HMCN2: variants seen among roughly 807,000 people sequenced by gnomAD.
The protein encoded by HMCN2 is hemicentin 2.
Under a neutral mutation model 377.5 loss-of-function variants are expected in HMCN2, and 325 were observed. The ratio of observed to expected loss-of-function variants is 0.86; its 90% CI spans 0.79 to 0.94. The LOEUF is 0.94. HMCN2 is among the 40% of genes least tolerant of loss of function. The pLI, the probability that HMCN2 is intolerant of heterozygous loss-of-function variation, is 0.00. For synonymous variants in HMCN2, 2,007 were observed against 2,046.8 expected, an observed-to-expected ratio of 0.98 and a Z score of 0.53; for missense variants, 4,543 against 4,725.3, an observed-to-expected ratio of 0.96 and a Z score of 1.13.
chr9:130,273,283 T>C (rs1554921829), intron 1 of HMCN2, among the ~76,000 whole-genome samples: 1 of 152,170 alleles, frequency 6.6e-6, no homozygotes. Flanking sequence ...TAATTTTCTT[T>C]CCAGCTTCTT....
intron 32 of HMCN2, 80 bp downstream of exon 32, chr9:130,355,124 GCT>G: frequency 8.8e-7 from 1 of 1,138,008 alleles, no homozygotes; most frequent in Non-Finnish European, 1.1e-6. Flanking sequence ...TCCCGAGAGA[GCT>G]CCTGGAGTGG....
intron 15 of HMCN2, among the ~76,000 whole-genome samples, chr9:130,319,006 G>C (rs1413984156): frequency 6.6e-6 from 1 of 152,130 alleles, no homozygotes; most frequent in Non-Finnish European, 1.5e-5. Flanking sequence ...AGTGGGCCTG[G>C]CTTAGGCCAG....
intron 15 of HMCN2, among the ~76,000 whole-genome samples, chr9:130,312,822 T>C (rs1837341939): frequency 6.6e-6 from 1 of 151,538 alleles, no homozygotes; most frequent in South Asian, 2.1e-4. Context: ...TGCGTCACCA[T>C]GCCCAGCTAA....
At chr9:130,385,786 C>T (rs1195676780) in intron 60 of HMCN2, 24 bp downstream of exon 60, 7 of 1,294,210 alleles carry the variant, frequency 5.4e-6, no homozygotes, top group Non-Finnish European at 7.1e-6. Context: ...GGGGCACGGG[C>T]AGCCATGAGC....
intron 1 of HMCN2, among the ~76,000 whole-genome samples, chr9:130,267,276 C>T (rs1554919470): frequency 6.6e-6 from 1 of 151,722 alleles, no homozygotes; most frequent in Non-Finnish European, 1.5e-5. Flanking sequence ...AAATTTCAAA[C>T]TTACAGTAAA....
chr9:130,305,043 C>G (rs781962068), intron 11 of HMCN2, 41 bp downstream of exon 11: 1 of 453,718 alleles, frequency 2.2e-6, no homozygotes, highest in Admixed American at 2.4e-5. Context: ...TAATTCAACA[C>G]GTGACCTGGT....
chr9:130,381,530 G>A (rs932743421), intron 54 of HMCN2, among the ~76,000 whole-genome samples: 3 of 152,082 alleles, frequency 2.0e-5, no homozygotes, highest in Non-Finnish European at 4.4e-5. Flanking sequence ...CACCACACCC[G>A]GGGAATTTTT....
At position 130,334,479 on chromosome 9, in the gene HMCN2, T is replaced by C. The variant is rs1015690847; in HGVS notation, c.3360-3415T>C. On this transcript the variant is annotated intron_variant, in intron 22 of 97. Transcript: ENST00000683500. ...CAAGCAGAATCCTCCTTCTAGGAAA[T>C]GATCTTGGATGCTCCTAAGAAAGAT... Among the ~76,000 whole-genome samples the C allele has an allele frequency of 3.3e-5, 5 of 151,818 alleles. No homozygotes were observed. In the South Asian group the frequency reaches 1.0e-3, roughly 32 times the overall value.
rs1842725073 is a variant in HMCN2, at chr9:130,398,660, G to GAAGGACGGA, written c.11437_11445dup (p.Lys3813_Gly3815dup). 7.8e-7 allele frequency: 1 copy of GAAGGACGGA among 1,289,674 alleles called. No homozygotes were observed. The highest frequency in any genetic ancestry group is 5.5e-5 in the East Asian group (1 of 18,020). 79.9% of individuals were successfully genotyped at this position (1,289,674 alleles called of 1,614,324 possible). A position where few individuals can be genotyped will look rare whatever the true frequency, so the allele number is the denominator to read the frequency against. On this transcript the variant is annotated inframe_insertion, in exon 75 of 98. Coordinates refer to ENST00000683500, the MANE Select transcript of HMCN2 (RefSeq NM_001291815.2). ...CCCCTAAGCCCCTGGTGGTCTGGTGGAAGGACGGACAGAAGCTGGACTTCC... is the reference window on the plus strand; with the variant it reads ...CCCCTAAGCCCCTGGTGGTCTGGTGGAAGGACGGAAAGGACGGACAGAAGCTGGACTTCC...
In HMCN2 at chr9:130,360,531, T is replaced by C. The variant is rs1399928465; in HGVS notation, c.5877T>C (p.Asp1959=). ...VLRIEQAQLS[D]AGSYRCVASN... ...GCATTGAGCAAGCCCAGCTTTCTGA[T>C]GCTGGGAGCTACCGCTGTGTGGCAT... The change falls in exon 38 of 98, where the codon GAT becomes GAC. Residue 1959 remains aspartate (D), a synonymous_variant. Transcript: ENST00000683500. This position sits in a 1 kb window ranked among gnomAD's most constrained non-coding sequence, Gnocchi z 4.7. 3.8e-6 allele frequency: 5 copies of C among 1,304,034 alleles called. No individual in the cohort carries two copies. Among genetic ancestry groups the C allele is most frequent in the Non-Finnish European group, 5.1e-6 (5 of 988,878 alleles). 80.8% of individuals were successfully genotyped at this position (1,304,034 alleles called of 1,614,324 possible).
In HMCN2 at chr9:130,277,183, A is replaced by T. The variant is rs559679273; in HGVS notation, c.260-7420A>T. On this transcript the variant is annotated intron_variant, in intron 1 of 97. Transcript: ENST00000683500. ...CCACACCCTCCTCTTGCCCAGTGGAAAAAACCCCGCCTGTGGCTTGGTGGT... is the reference window on the plus strand; with the variant it reads ...CCACACCCTCCTCTTGCCCAGTGGATAAAACCCCGCCTGTGGCTTGGTGGT... Among the ~76,000 whole-genome samples, 10 of 152,372 alleles carry T rather than the reference A, an allele frequency of 6.6e-5. No individual in the cohort carries two copies. The East Asian group carries it at 1.9e-3, about 29-fold the overall frequency.
In HMCN2 at chr9:130,428,393, C is replaced by G; in HGVS notation, c.14101C>G (p.Arg4701Gly). ...GTGTGCGTGGGATGCTCACCTCTGC[C>G]GAGAGGGACAGCGCTGTGTGAACCT... The part of the protein sequence containing the change: ...DECAWDAHLC[R>G]EGQRCVNLLG... Residue 4701 changes from arginine to glycine, a missense_variant, in exon 93 of 98, where the codon CGA (arginine) becomes GGA (glycine). Coordinates refer to ENST00000683500, the MANE Select transcript of HMCN2 (RefSeq NM_001291815.2). The surrounding 1 kb of genome is among the most constrained non-coding windows in gnomAD (Gnocchi z 5.0). 2 of 1,548,088 alleles carry G rather than the reference C, an allele frequency of 1.3e-6. No homozygotes were observed. Among genetic ancestry groups the G allele is most frequent in the Non-Finnish European group, 1.7e-6 (2 of 1,146,874 alleles).
intron 60 of HMCN2, 101 bp from the exon 61 acceptor site, chr9:130,386,342 C>A: frequency 3.5e-6 from 2 of 570,748 alleles, no homozygotes; most frequent in Non-Finnish European, 5.6e-6. Context: ...ATTTGGGAGG[C>A]CCCTGCTCTG....
At position 130,355,790 on chromosome 9, in the gene HMCN2, A is replaced by G. The variant is rs1359814684; in HGVS notation, c.5191A>G (p.Thr1731Ala). ...LVAEGLGQVTTIVGQPLELPC... is the reference protein window; with the variant it reads ...LVAEGLGQVTAIVGQPLELPC... The stretch of plus-strand genomic sequence containing the variant: ...GGCTGAAGGCTTGGGACAGGTGACC[A>G]CCATCGTGGGACAGCCCCTGGAACT... The change falls in exon 33 of 98, where the codon ACC (threonine) becomes GCC (alanine). Residue 1731 changes from threonine (T) to alanine (A), a missense_variant. Thr to Ala is a moderately conservative substitution (Grantham distance 58). Transcript: ENST00000683500. The G allele has an allele frequency of 7.7e-7, 1 of 1,303,774 alleles. No individual in the cohort carries two copies. The highest frequency in any genetic ancestry group is 1.0e-6 in the Non-Finnish European group (1 of 988,936). 80.8% of individuals were successfully genotyped at this position (1,303,774 alleles called of 1,614,324 possible).
intron 22 of HMCN2, among the ~76,000 whole-genome samples, chr9:130,336,227 AC>A (rs1838741361): frequency 6.6e-6 from 1 of 152,282 alleles, no homozygotes; most frequent in Non-Finnish European, 1.5e-5. Context: ...GTGTGATCAT[AC>A]AAGGGAATAT....
chr9:130,296,841 C>T (rs1554932366), intron 7 of HMCN2, 47 bp downstream of exon 7: 1 of 463,240 alleles, frequency 2.2e-6, no homozygotes, highest in Non-Finnish European at 4.5e-6. Context: ...CCTCTGAAGA[C>T]CTGGGGCTTG....
chr9:130,302,939 C>G lies in HMCN2; in HGVS notation c.1359C>G (p.Ala453=), dbSNP rs1554935075. 2.1e-6 allele frequency: 1 copy of G among 470,886 alleles called. No individual in the cohort carries two copies. Among genetic ancestry groups the G allele is most frequent in the Admixed American group, 2.3e-5 (1 of 42,584 alleles). 29.2% of individuals were successfully genotyped at this position (470,886 alleles called of 1,614,324 possible). A position where few individuals can be genotyped will look rare whatever the true frequency, so the allele number is the denominator to read the frequency against. Reference sequence around the variant, plus strand: ...TGGTCTCCTGCTCGGTGCACAGTGCCCTTCCCTTCCGGCTGCAGCTGCGGC... The same window carrying G: ...TGGTCTCCTGCTCGGTGCACAGTGCGCTTCCCTTCCGGCTGCAGCTGCGGC... ...PLLVSCSVHS[A]LPFRLQLRRG... Residue 453 remains alanine, a synonymous_variant, in exon 9 of 98, where the codon GCC becomes GCG. Coordinates refer to ENST00000683500, the MANE Select transcript of HMCN2 (RefSeq NM_001291815.2).
chr9:130,354,863 C>T lies in HMCN2; in HGVS notation c.4965C>T (p.Ser1655=). 7.7e-7 allele frequency: 1 copy of T among 1,304,270 alleles called. No individual in the cohort carries two copies. The highest frequency in any genetic ancestry group is 1.0e-6 in the Non-Finnish European group (1 of 988,944). 80.8% of individuals were successfully genotyped at this position (1,304,270 alleles called of 1,614,324 possible). A position where few individuals can be genotyped will look rare whatever the true frequency, so the allele number is the denominator to read the frequency against. ...AGTGCGTGGCCAGAGGCCACCCGTCCCCCACCCTCTCCTGGCACCACGAGG... is the reference window on the plus strand; with the variant it reads ...AGTGCGTGGCCAGAGGCCACCCGTCTCCCACCCTCTCCTGGCACCACGAGG... The part of the protein sequence containing the change: ...ALECVARGHP[S]PTLSWHHEGL... The change falls in exon 32 of 98, where the codon TCC becomes TCT. Residue 1655 remains serine, a synonymous_variant. Coordinates refer to ENST00000683500, the MANE Select transcript of HMCN2 (RefSeq NM_001291815.2).
In HMCN2 at chr9:130,401,034, G is replaced by A. The variant is rs1842838187; in HGVS notation, c.11770+87G>A. 3.5e-6 allele frequency: 4 copies of A among 1,145,256 alleles called. No homozygotes were observed. The South Asian group carries it at 6.0e-5, about 17-fold the overall frequency. 70.9% of individuals were successfully genotyped at this position (1,145,256 alleles called of 1,614,324 possible). ...GGGTGAAAGGTCACATGGCGGAATA[G>A]GATGGAACTATCTGGCCTGGCACTG... On this transcript the variant is annotated intron_variant, in intron 77 of 97. Coordinates refer to ENST00000683500, the MANE Select transcript of HMCN2 (RefSeq NM_001291815.2).
Sources: gnomAD v4.1 joint callset for allele counts (sites outside exome capture counted in the v4.1 genomes callset) on GRCh38, gnomAD v4.1.1 for gene constraint, Gnocchi (gnomAD v3.1) non-coding constraint, MANE v1.5 for transcripts, NCBI Gene and HGNC (gene_info 2026-07-23, HGNC 2026-07-21) for gene names.